INSC: variants seen among roughly 807,000 people sequenced by gnomAD.
INSC encodes INSC spindle orientation adaptor protein.
In INSC, 67 loss-of-function variants were observed where a neutral mutation model predicts 58.6. That is an observed-to-expected ratio of 1.14 (90% CI 0.94 to 1.40). INSC has a LOEUF of 1.40. Ranked by LOEUF, INSC falls within the 40% of genes most tolerant of loss-of-function variation. The pLI is 0.00. For missense variants in INSC, 714 were observed against 692.0 expected, an observed-to-expected ratio of 1.03 and a Z score of -0.36; for synonymous variants, 262 against 276.1, an observed-to-expected ratio of 0.95 and a Z score of 0.51.
chr11:15,155,560 C>G (rs751982555), intron 2 of INSC, among the ~76,000 whole-genome samples: 21 of 152,210 alleles, frequency 1.4e-4, no homozygotes, highest in Non-Finnish European at 2.8e-4. Flanking sequence ...TCTCACATCT[C>G]TCCTCCGTAA....
chr11:15,184,964 G>A (rs1016766372), intron 5 of INSC, among the ~76,000 whole-genome samples: 3 of 152,208 alleles, frequency 2.0e-5, no homozygotes, highest in African/African-American at 4.8e-5. Flanking sequence ...GTGACTCAAG[G>A]TACTCTTAAG....
At chr11:15,151,103 G>C (rs1168639777) in intron 2 of INSC, among the ~76,000 whole-genome samples, 1 of 152,144 alleles carries the variant, frequency 6.6e-6, no homozygotes, top group African/African-American at 2.4e-5. Context: ...CCAACTCCTG[G>C]TCCTTAGCCT....
chr11:15,171,198 T>C (rs1849385295), intron 2 of INSC, among the ~76,000 whole-genome samples: 1 of 151,728 alleles, frequency 6.6e-6, no homozygotes, highest in Admixed American at 6.6e-5. Context: ...GGGGTGTGAG[T>C]GCCTCCATTC....
At chr11:15,253,264 G>A in the INSC span, among the ~76,000 whole-genome samples, 1 of 152,174 alleles carries the variant, frequency 6.6e-6, no homozygotes, top group African/African-American at 2.4e-5. Flanking sequence ...CAGAAAGTGT[G>A]TAAGTCTAAT....
chr11:15,236,531 C>G (rs1030945734), intron 10 of INSC, among the ~76,000 whole-genome samples: 2 of 152,212 alleles, frequency 1.3e-5, no homozygotes, highest in African/African-American at 4.8e-5. Context: ...CTCCCACTTG[C>G]TCCCTTGTTC....
chr11:15,249,154 G>A (rs544906118), downstream of INSC, among the ~76,000 whole-genome samples: 8 of 152,320 alleles, frequency 5.3e-5, no homozygotes, highest in African/African-American at 1.9e-4. Flanking sequence ...GTAAGAGCCA[G>A]TTATGAAATC....
At chr11:15,182,751 A>T (rs1011320790) in intron 5 of INSC, among the ~76,000 whole-genome samples, 6 of 152,240 alleles carry the variant, frequency 3.9e-5, no homozygotes, top group Non-Finnish European at 7.3e-5. Flanking sequence ...GGAGAAATGC[A>T]AGCACATACA....
Position 15,239,572 on chromosome 11 carries a change from A to G in INSC, c.1393+498A>G, listed in dbSNP as rs538508801. ...CAAATATTGTCAGAGCACCCACCCT[A>G]TGCTAAGCTCTGTTCTGAGCGCTGG... On this transcript the variant is annotated intron_variant, in intron 11 of 12. Coordinates refer to ENST00000379556, the MANE Select transcript of INSC (RefSeq NM_001042536.3). Among the ~76,000 whole-genome samples, 6 of 152,266 alleles carry G rather than the reference A, an allele frequency of 3.9e-5. No individual in the cohort carries two copies. In the East Asian group the frequency reaches 9.7e-4, roughly 25 times the overall value.
intron 1 of INSC, among the ~76,000 whole-genome samples, chr11:15,119,743 CT>C (rs1847822357): frequency 6.6e-6 from 1 of 152,180 alleles, no homozygotes; most frequent in Non-Finnish European, 1.5e-5. Flanking sequence ...CATCTCACTT[CT>C]TTTGATGGAG....
chr11:15,259,924 T>C, the INSC span, among the ~76,000 whole-genome samples: 3 of 152,142 alleles, frequency 2.0e-5, no homozygotes, highest in Non-Finnish European at 4.4e-5. Flanking sequence ...AAAGTACACA[T>C]AATCCCAGTG....
intron 1 of INSC, among the ~76,000 whole-genome samples, chr11:15,121,738 A>T (rs1447415136): frequency 1.3e-5 from 2 of 152,210 alleles, no homozygotes; most frequent in African/African-American, 2.4e-5. Flanking sequence ...CTTTAAAAAA[A>T]TCTTTTCCCC....
chr11:15,231,645 A>C (rs1851930146), intron 9 of INSC, among the ~76,000 whole-genome samples: 1 of 152,260 alleles, frequency 6.6e-6, no homozygotes, highest in Non-Finnish European at 1.5e-5. Context: ...TTAAAGAATA[A>C]TTCTAATTAC....
intron 4 of INSC, 145 bp from the exon 5 acceptor site, chr11:15,178,179 G>A (rs1849637215): frequency 1.8e-6 from 2 of 1,089,082 alleles, no homozygotes; most frequent in Admixed American, 2.3e-5. Flanking sequence ...CAAGCCAGCT[G>A]TGGAATATTC....
intron 4 of INSC, among the ~76,000 whole-genome samples, chr11:15,177,600 G>A (rs1199695058): frequency 1.3e-5 from 2 of 152,142 alleles, no homozygotes; most frequent in Non-Finnish European, 2.9e-5. Flanking sequence ...GACCAGCACA[G>A]AAATACATTC....
the INSC span, among the ~76,000 whole-genome samples, chr11:15,260,550 G>T: frequency 1.3e-5 from 2 of 152,120 alleles, no homozygotes; most frequent in African/African-American, 4.8e-5. Context: ...CATGGTTGTT[G>T]TAAGAATTAG....
intron 2 of INSC, among the ~76,000 whole-genome samples, chr11:15,172,074 A>T (rs1849420409): frequency 6.6e-6 from 1 of 152,214 alleles, no homozygotes; most frequent in Non-Finnish European, 1.5e-5. Context: ...AGAGGTAGCT[A>T]ATGAAACTTG....
At chr11:15,207,275 CA>C (rs1269063308) in intron 7 of INSC, among the ~76,000 whole-genome samples, 1 of 152,176 alleles carries the variant, frequency 6.6e-6, no homozygotes, top group Non-Finnish European at 1.5e-5. Flanking sequence ...GCCTCACTTT[CA>C]AAAAGCATCC....
chr11:15,163,646 T>C, intron 2 of INSC, among the ~76,000 whole-genome samples: 1 of 152,226 alleles, frequency 6.6e-6, no homozygotes, highest in East Asian at 1.9e-4. Flanking sequence ...CTGAAGTGAG[T>C]GCAGTGGTGC....
At chr11:15,229,986 TA>T (rs55786827) in intron 9 of INSC, among the ~76,000 whole-genome samples, 59 of 31,594 alleles carry the variant, frequency 1.9e-3, no homozygotes, top group Non-Finnish European at 2.5e-3. Context: ...ATATTATATA[TA>T]TATATATATA....
Sources: allele counts gnomAD v4.1 joint callset (sites outside exome capture counted in the v4.1 genomes callset), GRCh38; gene constraint gnomAD v4.1.1; transcripts MANE v1.5; gene names NCBI Gene and HGNC (gene_info 2026-07-23, HGNC 2026-07-21).